INTS13: variants seen among roughly 807,000 people sequenced by gnomAD.
The protein encoded by INTS13 is asunder, spermatogenesis regulator homolog (Drosphila).
A neutral mutation model predicts 90.2 loss-of-function variants in INTS13; 35 were observed. The ratio of observed to expected loss-of-function variants is 0.39; its 90% confidence interval spans 0.30 to 0.51. The LOEUF (loss-of-function observed/expected upper bound fraction) is 0.51, where lower values mean the gene tolerates loss of function less well. INTS13 is among the 20% of genes least tolerant of loss of function. The probability of loss-of-function intolerance (pLI) is 0.80; values close to 1 mark genes in which losing one functional copy is unlikely to be tolerated. For missense variants in INTS13, 601 were observed against 851.2 expected (o/e 0.71, Z 3.66); for synonymous variants, 309 against 277.1 (o/e 1.11, Z -1.14).
intron 8 of INTS13, chr12:26,919,123 C>T (rs1276633209): frequency 9.2e-6 from 2 of 217,462 alleles, no homozygotes; most frequent in Non-Finnish European, 1.0e-5. Flanking sequence ...GCTATGATCA[C>T]ACTACTGTAC....
At chr12:26,914,982 T>C (rs1423792491) in intron 11 of INTS13, among the ~76,000 whole-genome samples, 10 of 152,268 alleles carry the variant, frequency 6.6e-5, no homozygotes, top group Non-Finnish European at 1.5e-4. Flanking sequence ...ATCCCAACAC[T>C]TCAGGAGGCC....
At chr12:26,922,584 C>T (rs763377393) in intron 8 of INTS13, 32 bp downstream of exon 8, 158 of 1,499,370 alleles carry the variant, frequency 1.1e-4, no homozygotes, top group Non-Finnish European at 1.4e-4. Context: ...TATGTTAGAT[C>T]ATACAAAATA....
Position 26,928,730 on chromosome 12 carries a change from C to T in INTS13, c.476G>A (p.Arg159Gln), listed in dbSNP as rs796342336. 1.2e-6 allele frequency: 2 copies of T among 1,613,994 alleles called. No individual in the cohort carries two copies. The highest frequency in any genetic ancestry group is 1.7e-6 in the Non-Finnish European group (2 of 1,180,020). ...TTTTGCATTAGTAATACAGATTATT[C>T]GTCCTCTATTTCCAACACGTTCTGC... is the stretch of plus-strand genomic sequence containing the variant. ...ENAERVGNRG[R>Q]IICITNAKSD... The change falls in exon 4 of 17, where the codon CGA (arginine) becomes CAA (glutamine). Residue 159 changes from arginine (R) to glutamine (Q), a missense_variant. Transcript: ENST00000261191.
chr12:26,935,489 A>G (rs1228006434), intron 2 of INTS13, among the ~76,000 whole-genome samples: 3 of 152,148 alleles, frequency 2.0e-5, no homozygotes, highest in Admixed American at 6.5e-5. Flanking sequence ...TCTGACAGGG[A>G]TATATTTTAC....
At position 26,907,311 on chromosome 12, in the gene INTS13, T is replaced by C. The variant is rs567778367; in HGVS notation, c.1946-874A>G. Among the ~76,000 whole-genome samples, 10 of 152,186 alleles carry C rather than the reference T, an allele frequency of 6.6e-5. No homozygotes were observed. The East Asian group carries it at 1.7e-3, about 26-fold the overall frequency. On this transcript the variant is annotated intron_variant, in intron 15 of 16. Transcript: ENST00000261191. ...AGAGAATCCAGAAGCAGATCCCACATACATAGTCAACTAATTTCTGATAAA... is the reference window on the plus strand; with the variant it reads ...AGAGAATCCAGAAGCAGATCCCACACACATAGTCAACTAATTTCTGATAAA...
At chr12:26,911,859 T>C (rs1951786021) in intron 14 of INTS13, among the ~76,000 whole-genome samples, 2 of 152,216 alleles carry the variant, frequency 1.3e-5, no homozygotes, top group South Asian at 2.1e-4. Context: ...GATAGTACTT[T>C]TTCCCTCTTA....
intron 11 of INTS13, 63 bp from the exon 12 acceptor site, chr12:26,914,641 G>T (rs1951878898): frequency 1.5e-6 from 2 of 1,325,228 alleles, no homozygotes; most frequent in Admixed American, 2.2e-5. Flanking sequence ...TGGATTACAT[G>T]TACTAGTCTG....
rs950768381 is a variant in INTS13, at chr12:26,916,089, G to A, written c.1161C>T (p.His387=). The A allele has an allele frequency of 4.8e-5, 77 of 1,613,612 alleles. No homozygotes were observed. The highest frequency in any genetic ancestry group is 6.2e-5 in the Non-Finnish European group (73 of 1,179,832). Residue 387 remains histidine (H), a synonymous_variant, in exon 11 of 17, where the codon CAC becomes CAT. Coordinates refer to ENST00000261191, the MANE Select transcript of INTS13 (RefSeq NM_018164.3). ...GAATGGATCGAGAACTGCTAAGGAC[G>A]TGCAAAAAAATCTCTCCTCCATGGC... ...LSSHGGEIFL[H]VLSSSRSILE...
rs571330855 is a variant in INTS13, at chr12:26,915,183, G to A, written c.1249-605C>T. 1.2e-4 allele frequency among the ~76,000 whole-genome samples: 19 copies of A among 152,166 alleles called. 1 individual carries two copies. Among genetic ancestry groups the A allele is most frequent in the African/African-American group, 4.3e-4 (18 of 41,500 alleles). ...AGAGGTTGCAGTGAGCCAAGATTGC[G>A]CCACTGCACTCTAACCTGGGCAACA... On this transcript the variant is annotated intron_variant, in intron 11 of 16. Coordinates refer to ENST00000261191, the MANE Select transcript of INTS13 (RefSeq NM_018164.3).
chr12:26,916,987 T>C (rs1039193176), intron 10 of INTS13, among the ~76,000 whole-genome samples: 2 of 152,178 alleles, frequency 1.3e-5, no homozygotes, highest in Admixed American at 1.3e-4. Context: ...TATTCTAGCT[T>C]CTATTTAATT....
Position 26,936,459 on chromosome 12 carries a change from T to C in INTS13, c.225+120A>G, listed in dbSNP as rs1246427131. Reference sequence around the variant, plus strand: ...ATATTAATCCCAAAGGGCAGCGTTATGTACCACATTTTTAAGTAATAAACA... The same window carrying C: ...ATATTAATCCCAAAGGGCAGCGTTACGTACCACATTTTTAAGTAATAAACA... On this transcript the variant is annotated intron_variant, in intron 2 of 16. Coordinates refer to ENST00000261191, the MANE Select transcript of INTS13 (RefSeq NM_018164.3). 7 of 714,440 alleles carry C rather than the reference T, an allele frequency of 9.8e-6. No homozygotes were observed. The East Asian group carries it at 1.1e-4, about 11-fold the overall frequency. 44.3% of individuals were successfully genotyped at this position (714,440 alleles called of 1,614,324 possible).
intron 5 of INTS13, among the ~76,000 whole-genome samples, chr12:26,926,862 G>T (rs1217739357): frequency 1.3e-5 from 2 of 152,204 alleles, no homozygotes; most frequent in African/African-American, 4.8e-5. Flanking sequence ...TCACCAGAAA[G>T]AACAAGCAAT....
chr12:26,911,690 A>G (rs565072965), intron 14 of INTS13, among the ~76,000 whole-genome samples: 2 of 152,246 alleles, frequency 1.3e-5, no homozygotes, highest in Non-Finnish European at 1.5e-5. Flanking sequence ...AATAAGATTA[A>G]TAAGTTTATT....
rs368563987 is a variant in INTS13 at position 26,927,673 on chromosome 12, T to C, written c.584+532A>G. Among the ~76,000 whole-genome samples the C allele has an allele frequency of 1.9e-4, 29 of 152,288 alleles. No homozygotes were observed. The East Asian group carries it at 5.4e-3, about 28-fold the overall frequency. ...CTCTGTCGCCCAGGCTGGAGTGTAG[T>C]GGCACAGTCTCGGTTCAATGCAACC... is the stretch of plus-strand genomic sequence containing the variant. On this transcript the variant is annotated intron_variant, in intron 5 of 16. Coordinates refer to ENST00000261191, the MANE Select transcript of INTS13 (RefSeq NM_018164.3).
chr12:26,936,676 G>A lies in INTS13; in HGVS notation c.128C>T (p.Pro43Leu). The change falls in exon 2 of 17, where the codon CCT (proline) becomes CTT (leucine). Residue 43 changes from proline (P) to leucine (L), a missense_variant. Pro to Leu is a moderately conservative substitution (Grantham distance 98, BLOSUM62 -3). This residue lies in a region of INTS13 where 284 missense variants were observed against 387.7 expected (regional missense o/e 0.73). Transcript: ENST00000261191. ...CAATGATTTAGATATGGGGGCCAAA[G>A]GAATGATTCCTTGGGTTCTATTCTT... ...LVKNRTQGII[P>L]LAPISKSLWT... 6 of 1,613,808 alleles carry A rather than the reference G, an allele frequency of 3.7e-6. No individual in the cohort carries two copies. The highest frequency in any genetic ancestry group is 5.1e-6 in the Non-Finnish European group (6 of 1,179,760).
At chr12:26,910,324 C>G (rs1253296707) in intron 15 of INTS13, among the ~76,000 whole-genome samples, 1 of 152,146 alleles carries the variant, frequency 6.6e-6, no homozygotes, top group African/African-American at 2.4e-5. Context: ...TCTTAAAACA[C>G]AAACTTTATA....
At chr12:26,932,812 A>G (rs1938268120) in intron 3 of INTS13, among the ~76,000 whole-genome samples, 1 of 152,230 alleles carries the variant, frequency 6.6e-6, no homozygotes, top group East Asian at 1.9e-4. Context: ...CAATATTTGG[A>G]GGTTCCCTAG....
Position 26,925,825 on chromosome 12 carries a change from A to C in INTS13, c.611T>G (p.Leu204Trp). The C allele has an allele frequency of 6.2e-7, 1 of 1,612,932 alleles. No individual in the cohort carries two copies. Among genetic ancestry groups the C allele is most frequent in the Non-Finnish European group, 8.5e-7 (1 of 1,179,328 alleles). The change falls in exon 6 of 17, where the codon TTG becomes TGG. Residue 204 changes from leucine (L) to tryptophan (W), a missense_variant. Physicochemically the swap from Leu to Trp is moderately conservative, Grantham distance 61. Transcript: ENST00000261191. ...DHLMQIQKCE[L>W]VLIHTYPVGE... ...AACTGGGTAGGTGTGGATCAAGACC[A>C]ACTCACATTTTTGAATCTGCATGAG...
Position 26,913,605 on chromosome 12 carries a change from CTCTT to C in INTS13, c.1653_1656del (p.Arg552SerfsTer5). Reference sequence around the variant, plus strand: ...CTGCATGCCATCAGACATTCCAAGACTCTTTGATGTTTCTCTGAGTTGTTGATAT... The same window carrying C: ...CTGCATGCCATCAGACATTCCAAGACTGATGTTTCTCTGAGTTGTTGATAT... On this transcript the variant is annotated frameshift_variant, in exon 14 of 17. Transcript: ENST00000261191. LOFTEE classifies it high-confidence loss of function. 2 of 1,614,126 alleles carry C rather than the reference CTCTT, an allele frequency of 1.2e-6. No individual in the cohort carries two copies. The highest frequency in any genetic ancestry group is 1.7e-6 in the Non-Finnish European group (2 of 1,180,024).
Sources: gnomAD v4.1 joint callset for allele counts (sites outside exome capture counted in the v4.1 genomes callset) on GRCh38, gnomAD v4.1.1 for gene constraint, gnomAD v4.1.1 regional missense constraint, MANE v1.5 for transcripts, NCBI Gene and HGNC (gene_info 2026-07-23, HGNC 2026-07-21) for gene names.